The following MEF2B variants were observed in gnomAD, a reference collection of about 807,000 sequenced individuals.
MEF2B encodes myocyte enhancer factor 2B.
Under a neutral mutation model 32.2 loss-of-function variants are expected in MEF2B, and 15 were observed. The observed-to-expected ratio is 0.47, with a 90% CI of 0.31 to 0.72. The LOEUF (loss-of-function observed/expected upper bound fraction) is 0.72. Among genes scored for constraint, MEF2B ranks in the 30% least tolerant of loss-of-function variants. MEF2B has a pLI of 0.05. For synonymous variants in MEF2B, 205 were observed against 225.6 expected, an observed-to-expected ratio of 0.91 and a Z score of 0.82; for missense variants, 441 against 511.5, an observed-to-expected ratio of 0.86 and a Z score of 1.33.
intron 1 of MEF2B, among the ~76,000 whole-genome samples, chr19:19,166,293 C>T (rs1046097118): frequency 2.0e-5 from 3 of 152,108 alleles, no homozygotes; most frequent in African/African-American, 4.8e-5. Context: ...AATCCTGGGC[C>T]GCAGGGTATC....
intron 1 of MEF2B, among the ~76,000 whole-genome samples, chr19:19,162,048 T>C (rs765693044): frequency 9.2e-5 from 14 of 152,158 alleles, no homozygotes; most frequent in Non-Finnish European, 1.6e-4. Context: ...CCTCATGTGA[T>C]CTGCCTACTT....
rs748383473 is a variant in MEF2B, at chr19:19,147,104, C to T, written c.473G>A (p.Gly158Glu). 3.1e-6 allele frequency: 5 copies of T among 1,608,666 alleles called. No individual in the cohort carries two copies. In the South Asian group the frequency reaches 4.4e-5, roughly 14 times the overall value. ...GCGGCTCTGGGCGGGCAGTGCTTCC[C>T]CAAGCCCACTGGGGTCACAGCCTGG... ...PPPGCDPSGL[G>E]EALPAQSRPS... is the part of the protein sequence containing the mutation. Residue 158 changes from glycine to glutamate, a missense_variant, in exon 5 of 9, where the codon GGG (glycine) becomes GAG (glutamate). Gly to Glu is a moderately conservative substitution (Grantham distance 98, BLOSUM62 -2). Transcript: ENST00000424583.
intron 1 of MEF2B, among the ~76,000 whole-genome samples, chr19:19,168,009 T>G (rs1011547035): frequency 5.3e-5 from 8 of 152,202 alleles, no homozygotes; most frequent in African/African-American, 1.9e-4. Context: ...GAGGCCAAGC[T>G]TCCCCCTTTA....
At chr19:19,169,406 G>A (rs2060235380) in intron 1 of MEF2B, among the ~76,000 whole-genome samples, 1 of 152,022 alleles carries the variant, frequency 6.6e-6, no homozygotes, top group African/African-American at 2.4e-5. Context: ...GTCTCACTAT[G>A]TTGCCCAGGC....
At chr19:19,149,724 A>T (rs1205016506) in intron 2 of MEF2B, among the ~76,000 whole-genome samples, 5 of 151,944 alleles carry the variant, frequency 3.3e-5, no homozygotes, top group Non-Finnish European at 7.4e-5. Context: ...TGGCTGTGTC[A>T]AGCTCCATCT....
chr19:19,151,560 CCT>C (rs1355874236), intron 1 of MEF2B, among the ~76,000 whole-genome samples: 2 of 152,234 alleles, frequency 1.3e-5, no homozygotes, highest in East Asian at 1.9e-4. Context: ...ACAGACGTCC[CCT>C]GACACCACAG....
intron 1 of MEF2B, among the ~76,000 whole-genome samples, chr19:19,166,930 G>A (rs1014954189): frequency 3.3e-4 from 51 of 152,318 alleles, no homozygotes; most frequent in African/African-American, 1.2e-3. Flanking sequence ...TGGGCCAGGT[G>A]CGGTGGCTCA....
At chr19:19,157,480 A>G (rs556205907) in intron 1 of MEF2B, among the ~76,000 whole-genome samples, 142 of 152,324 alleles carry the variant, frequency 9.3e-4, no homozygotes, top group Non-Finnish European at 1.4e-3. Context: ...CCATTGGCCA[A>G]TTCGACGATC....
intron 1 of MEF2B, among the ~76,000 whole-genome samples, chr19:19,163,182 G>T (rs1489536794): frequency 6.6e-6 from 1 of 152,050 alleles, no homozygotes; most frequent in Middle Eastern, 3.2e-3. Context: ...TTCAGGCAGG[G>T]TCTCATTCTG....
At position 19,145,642 on chromosome 19, in the gene MEF2B, G is replaced by T. The variant is rs1211712762; in HGVS notation, c.*155C>A. 4 of 1,506,106 alleles carry T rather than the reference G, an allele frequency of 2.7e-6. No homozygotes were observed. The highest frequency in any genetic ancestry group is 3.6e-6 in the Non-Finnish European group (4 of 1,120,264). The allele number at this position is 1,506,106 out of a possible 1,614,324, so 93.3% of individuals were successfully genotyped here. A position where few individuals can be genotyped will look rare whatever the true frequency, so the allele number is the denominator to read the frequency against. On this transcript the variant is annotated 3_prime_UTR_variant, in exon 9 of 9. Transcript: ENST00000424583. The surrounding 1 kb of genome is among the most constrained non-coding windows in gnomAD (Gnocchi z 4.6). Reference sequence around the variant, plus strand: ...AGGAAGAAGGAAAGGAGCCCCCCAGGGTGGATTGAGTCCAGCCGCCCACCT... The same window carrying T: ...AGGAAGAAGGAAAGGAGCCCCCCAGTGTGGATTGAGTCCAGCCGCCCACCT...
In MEF2B at chr19:19,145,680, C is replaced by T; in HGVS notation, c.*117G>A. The T allele has an allele frequency of 1.3e-6, 2 of 1,547,518 alleles. No individual in the cohort carries two copies. The highest frequency in any genetic ancestry group is 1.2e-5 in the South Asian group (1 of 83,968). ...CAGCCGCCCACCTCCAAGCCCCCACCGCGGAGGGGGGCGTCACTGTTGGGT... is the reference window on the plus strand; with the variant it reads ...CAGCCGCCCACCTCCAAGCCCCCACTGCGGAGGGGGGCGTCACTGTTGGGT... On this transcript the variant is annotated 3_prime_UTR_variant, in exon 9 of 9. Transcript: ENST00000424583. The surrounding 1 kb of genome is among the most constrained non-coding windows in gnomAD (Gnocchi z 4.6).
chr19:19,146,934 C>G (rs2146351409), intron 5 of MEF2B, 59 bp from the exon 6 acceptor site: 1 of 1,585,356 alleles, frequency 6.3e-7, no homozygotes, highest in Admixed American at 1.8e-5. Context: ...CTAATGAAGT[C>G]TGAGGTTTAG....
chr19:19,169,800 A>G (rs1481993981), intron 1 of MEF2B, among the ~76,000 whole-genome samples: 1 of 152,168 alleles, frequency 6.6e-6, no homozygotes, highest in East Asian at 1.9e-4. Context: ...GCAAGAAGGC[A>G]TAGGGTTGTG....
chr19:19,169,911 C>G (rs901248942), intron 1 of MEF2B, among the ~76,000 whole-genome samples: 21 of 152,152 alleles, frequency 1.4e-4, no homozygotes, highest in Non-Finnish European at 2.4e-4. Flanking sequence ...CCTCACAGCA[C>G]CATGATTTTG....
intron 1 of MEF2B, among the ~76,000 whole-genome samples, chr19:19,164,001 T>A (rs904605968): frequency 4.6e-5 from 7 of 151,544 alleles, no homozygotes; most frequent in Admixed American, 4.6e-4. Context: ...GGTTTCGCTC[T>A]TGTTGCCCAG....
intron 1 of MEF2B, among the ~76,000 whole-genome samples, chr19:19,156,405 A>AT (rs912897531): frequency 1.2e-4 from 18 of 150,338 alleles, no homozygotes; most frequent in East Asian, 3.9e-4. Flanking sequence ...AAAAAAAAAA[A>AT]TTTTTTTTTT....
intron 1 of MEF2B, among the ~76,000 whole-genome samples, chr19:19,163,962 C>T (rs1462354496): frequency 6.6e-6 from 1 of 152,110 alleles, no homozygotes; most frequent in Non-Finnish European, 1.5e-5. Context: ...AGCCACCACA[C>T]CCAGCCCTAC....
chr19:19,152,188 C>T (rs66661132), intron 1 of MEF2B, among the ~76,000 whole-genome samples: 91,327 of 150,216 alleles, frequency 0.61, 28,680 homozygotes, highest in African/African-American at 0.76. Context: ...CTCAAACTCC[C>T]GACCTCATGA....
chr19:19,169,227 G>A (rs1181817205), intron 1 of MEF2B, among the ~76,000 whole-genome samples: 9 of 151,820 alleles, frequency 5.9e-5, no homozygotes, highest in African/African-American at 2.2e-4. Flanking sequence ...AGTGGCACGC[G>A]CCTGTAATCC....
Sources: allele counts gnomAD v4.1 joint callset (sites outside exome capture counted in the v4.1 genomes callset), GRCh38; gene constraint gnomAD v4.1.1; non-coding constraint Gnocchi (gnomAD v3.1); transcripts MANE v1.5; gene names NCBI Gene and HGNC (gene_info 2026-07-23, HGNC 2026-07-21).